Variants in CSMD1 observed in about 807,000 individuals in gnomAD.
The protein encoded by CSMD1 is CUB and sushi domain-containing protein 1.
CSMD1 carries 213 observed loss-of-function variants against 417.5 expected under a neutral mutation model. That is an observed-to-expected ratio of 0.51 (90% confidence interval 0.46 to 0.57). The LOEUF is 0.57. CSMD1 is among the 20% of genes least tolerant of loss of function. CSMD1 has a pLI of 0.00. For missense variants in CSMD1, 6,923 were observed against 4,529.7 expected (o/e 1.53, Z -15.17); for synonymous variants, 2,862 against 1,736.8 (o/e 1.65, Z -16.11).
chr8:4,388,122 A>G, intron 3 of CSMD1, among the ~76,000 whole-genome samples: 1 of 152,154 alleles, frequency 6.6e-6, no homozygotes, highest in East Asian at 1.9e-4. Context: ...TGCCCAGCTA[A>G]ATGTAATTAT....
intron 1 of CSMD1, among the ~76,000 whole-genome samples, chr8:4,954,792 A>T (rs1348797366): frequency 6.6e-6 from 1 of 152,186 alleles, no homozygotes; most frequent in Non-Finnish European, 1.5e-5. Flanking sequence ...GGTTTTCCAT[A>T]CTTGACTTTA....
intron 1 of CSMD1, among the ~76,000 whole-genome samples, chr8:4,663,783 C>T (rs1248388200): frequency 1.3e-5 from 2 of 152,164 alleles, no homozygotes; most frequent in Non-Finnish European, 2.9e-5. Context: ...GACTAATGCA[C>T]TAAGTGCTGT....
chr8:3,230,222 G>T lies in CSMD1; in HGVS notation c.4163C>A (p.Ala1388Glu). 1 of 1,580,204 alleles carries T rather than the reference G, an allele frequency of 6.3e-7. No homozygotes were observed. Among genetic ancestry groups the T allele is most frequent in the Non-Finnish European group, 8.6e-7 (1 of 1,162,308 alleles). ...CATACCTGGATCGTTACAGGTGGCTGCAATTGAGGCTGCAAACAAAAGAGA... is the reference window on the plus strand; with the variant it reads ...CATACCTGGATCGTTACAGGTGGCTTCAATTGAGGCTGCAAACAAAAGAGA... ...GFSIQFSTSI[A>E]ATCNDPGMPQ... Residue 1388 changes from alanine to glutamate, a missense_variant, in exon 27 of 70, where the codon GCA becomes GAA. Coordinates refer to ENST00000635120, the MANE Select transcript of CSMD1 (RefSeq NM_033225.6).
At chr8:3,730,006 GA>G (rs1802745836) in intron 6 of CSMD1, among the ~76,000 whole-genome samples, 1 of 137,190 alleles carries the variant, frequency 7.3e-6, no homozygotes, top group Non-Finnish European at 1.5e-5. Context: ...AAAAAGTTCA[GA>G]GGAGAAAAAT....
intron 20 of CSMD1, among the ~76,000 whole-genome samples, chr8:3,361,968 G>A (rs922070164): frequency 2.0e-5 from 3 of 152,062 alleles, no homozygotes; most frequent in African/African-American, 7.2e-5. Context: ...TATTTGCAAG[G>A]TGTGCATGTT....
intron 10 of CSMD1, among the ~76,000 whole-genome samples, chr8:3,559,608 C>G (rs950423334): frequency 6.6e-6 from 1 of 152,162 alleles, no homozygotes; most frequent in Non-Finnish European, 1.5e-5. Context: ...TAAGTACCCA[C>G]AATTACAATC....
chr8:4,323,643 A>C (rs546092597), intron 3 of CSMD1, among the ~76,000 whole-genome samples: 88 of 152,286 alleles, frequency 5.8e-4, no homozygotes, highest in African/African-American at 2.0e-3. Flanking sequence ...AGGAGAAAAA[A>C]CAAATAAGGG....
At chr8:4,067,006 G>C (rs754829808) in intron 3 of CSMD1, among the ~76,000 whole-genome samples, 10 of 152,208 alleles carry the variant, frequency 6.6e-5, no homozygotes, top group Non-Finnish European at 1.2e-4. Flanking sequence ...TGAGAAACAA[G>C]ACAACATGAG....
intron 3 of CSMD1, among the ~76,000 whole-genome samples, chr8:4,194,601 A>C (rs3860866): frequency 0.33 from 49,571 of 152,004 alleles, 8,225 homozygotes; most frequent in Admixed American, 0.38. Flanking sequence ...CTTTGACATT[A>C]ATTTGCTAAC....
At chr8:3,059,266 A>G (rs1289845580) in intron 49 of CSMD1, among the ~76,000 whole-genome samples, 3 of 143,670 alleles carry the variant, frequency 2.1e-5, no homozygotes, top group Non-Finnish European at 4.6e-5. Flanking sequence ...AAAAAAAAAA[A>G]AGTGCCCTTA....
intron 3 of CSMD1, among the ~76,000 whole-genome samples, chr8:4,322,097 C>T (rs1799302630): frequency 1.3e-5 from 2 of 152,102 alleles, no homozygotes; most frequent in African/African-American, 4.8e-5. Flanking sequence ...TCTTTAATTA[C>T]ATAAATACTT....
chr8:3,732,230 C>G (rs543702995), intron 6 of CSMD1, among the ~76,000 whole-genome samples: 18 of 152,110 alleles, frequency 1.2e-4, no homozygotes, highest in Admixed American at 9.8e-4. Flanking sequence ...CAGTTTCGCC[C>G]GAGGCCACCC....
At chr8:3,522,566 G>C (rs750082795) in intron 10 of CSMD1, among the ~76,000 whole-genome samples, 7 of 152,106 alleles carry the variant, frequency 4.6e-5, no homozygotes, top group African/African-American at 1.7e-4. Flanking sequence ...TGAGAATAGA[G>C]AAAGAAATGG....
At chr8:4,846,142 T>A (rs1480319088) in intron 1 of CSMD1, among the ~76,000 whole-genome samples, 1 of 152,184 alleles carries the variant, frequency 6.6e-6, no homozygotes, top group Non-Finnish European at 1.5e-5. Flanking sequence ...CTTTCTCCTG[T>A]CCTGCATACT....
intron 12 of CSMD1, among the ~76,000 whole-genome samples, chr8:3,441,037 T>C (rs1814949590): frequency 6.6e-6 from 1 of 152,154 alleles, no homozygotes; most frequent in South Asian, 2.1e-4. Context: ...ACATCCAAAA[T>C]ACGAATGCCT....
At chr8:3,864,873 A>G (rs1804974268) in intron 5 of CSMD1, among the ~76,000 whole-genome samples, 3 of 152,178 alleles carry the variant, frequency 2.0e-5, no homozygotes, top group South Asian at 4.1e-4. Context: ...AGAATTAAAT[A>G]ATTAATTTCT....
chr8:4,396,017 G>T (rs1042379618), intron 3 of CSMD1, among the ~76,000 whole-genome samples: 1 of 152,040 alleles, frequency 6.6e-6, no homozygotes, highest in African/African-American at 2.4e-5. Flanking sequence ...TAATCATTTT[G>T]TTCTAATTCT....
At chr8:4,348,504 A>C (rs776151309) in intron 3 of CSMD1, among the ~76,000 whole-genome samples, 3 of 151,498 alleles carry the variant, frequency 2.0e-5, no homozygotes, top group Non-Finnish European at 2.9e-5. Context: ...TAGCTTAATA[A>C]GTTGTATCTG....
chr8:3,710,482 T>G (rs1215290369), intron 6 of CSMD1, among the ~76,000 whole-genome samples: 1 of 152,136 alleles, frequency 6.6e-6, no homozygotes, highest in Non-Finnish European at 1.5e-5. Flanking sequence ...TGGCAGTGAT[T>G]GTTACTCTTT....
Sources: gnomAD v4.1 joint callset for allele counts (sites outside exome capture counted in the v4.1 genomes callset) on GRCh38, gnomAD v4.1.1 for gene constraint, MANE v1.5 for transcripts, NCBI Gene and HGNC (gene_info 2026-07-23, HGNC 2026-07-21) for gene names.